The following WDSUB1 variants were observed in gnomAD, a reference collection of about 807,000 sequenced individuals.
WDSUB1 encodes the protein WD repeat, SAM and U-box domain-containing protein 1.
Under a neutral mutation model 53.9 loss-of-function variants are expected in WDSUB1, and 49 were observed. The ratio of observed to expected loss-of-function variants is 0.91; its 90% confidence interval spans 0.72 to 1.15. The LOEUF is 1.15. WDSUB1 is among the 50% of genes most tolerant of loss of function. The pLI, the probability that WDSUB1 is intolerant of heterozygous loss-of-function variation, is 0.00. For missense variants in WDSUB1, 514 were observed against 562.0 expected (o/e 0.91, Z 0.86); for synonymous variants, 194 against 200.6 (o/e 0.97, Z 0.28).
At chr2:159,259,437 G>A (rs1161101552) in intron 6 of WDSUB1, among the ~76,000 whole-genome samples, 2 of 152,234 alleles carry the variant, frequency 1.3e-5, no homozygotes, top group East Asian at 3.9e-4. Context: ...CTCTAAGAAT[G>A]GTAGGTCACT....
chr2:159,260,245 C>T (rs1450930078), intron 5 of WDSUB1, among the ~76,000 whole-genome samples: 2 of 152,146 alleles, frequency 1.3e-5, no homozygotes, highest in African/African-American at 2.4e-5. Context: ...GTGGAGGTTA[C>T]AATGAGCCAA....
At chr2:159,284,878 A>C (rs2061754289) in intron 1 of WDSUB1, among the ~76,000 whole-genome samples, 1 of 152,106 alleles carries the variant, frequency 6.6e-6, no homozygotes, top group South Asian at 2.1e-4. Flanking sequence ...CGTCTCCATA[A>C]AGCGGTTTTC....
chr2:159,236,506 G>T (rs1295469909), intron 10 of WDSUB1, among the ~76,000 whole-genome samples: 1 of 152,212 alleles, frequency 6.6e-6, no homozygotes, highest in Non-Finnish European at 1.5e-5. Flanking sequence ...GGTAGAGTGG[G>T]AGTGAGGATA....
chr2:159,266,782 TTTTTG>T (rs1294665456), intron 5 of WDSUB1, among the ~76,000 whole-genome samples: 3 of 152,022 alleles, frequency 2.0e-5, no homozygotes, highest in Admixed American at 6.5e-5. Context: ...TTTTTGTTGT[TTTTTG>T]TTTTGAGTCA....
chr2:159,271,194 A>G (rs747363155), intron 5 of WDSUB1, among the ~76,000 whole-genome samples: 1 of 152,244 alleles, frequency 6.6e-6, no homozygotes, highest in Non-Finnish European at 1.5e-5. Context: ...CAGCAAGGCC[A>G]TTCCTATGTA....
At chr2:159,278,786 T>C (rs983685571) in intron 3 of WDSUB1, among the ~76,000 whole-genome samples, 4 of 152,168 alleles carry the variant, frequency 2.6e-5, no homozygotes, top group East Asian at 1.9e-4. Flanking sequence ...CTTTTGGGAT[T>C]TGAGATCTTA....
intron 1 of WDSUB1, among the ~76,000 whole-genome samples, chr2:159,284,340 AAGG>A (rs2151163736): frequency 6.6e-6 from 1 of 152,326 alleles, no homozygotes; most frequent in South Asian, 2.1e-4. Context: ...CCTTTCTCAT[AAGG>A]AGTTCTCAAA....
intron 5 of WDSUB1, among the ~76,000 whole-genome samples, chr2:159,260,429 G>A (rs752824340): frequency 7.2e-5 from 11 of 152,044 alleles, no homozygotes; most frequent in African/African-American, 2.2e-4. Flanking sequence ...AATAAAACAC[G>A]ACTCTATAAC....
intron 5 of WDSUB1, among the ~76,000 whole-genome samples, chr2:159,266,446 C>T (rs959965516): frequency 3.9e-5 from 6 of 152,180 alleles, no homozygotes; most frequent in Non-Finnish European, 5.9e-5. Context: ...CCTCGGCCTC[C>T]CAAAGTGCTG....
chr2:159,240,616 A>AC (rs1299949061), intron 10 of WDSUB1, among the ~76,000 whole-genome samples: 1 of 152,158 alleles, frequency 6.6e-6, no homozygotes, highest in Non-Finnish European at 1.5e-5. Flanking sequence ...GGGCACCATT[A>AC]CCTATATTAA....
intron 5 of WDSUB1, among the ~76,000 whole-genome samples, chr2:159,262,680 A>G (rs1217816203): frequency 6.6e-6 from 1 of 152,186 alleles, no homozygotes; most frequent in African/African-American, 2.4e-5. Flanking sequence ...AGGAAGGTAA[A>G]TTAGGGTTAG....
chr2:159,259,871 A>G, intron 5 of WDSUB1, 28 bp from the exon 6 acceptor site: 1 of 1,485,552 alleles, frequency 6.7e-7, no homozygotes, highest in South Asian at 1.2e-5. Flanking sequence ...TATAGGTGAA[A>G]AGTTCTATAA....
chr2:159,261,884 ATATATATATATATTTTTTTTTTTTTTTTT>A (rs1268830906), intron 5 of WDSUB1, among the ~76,000 whole-genome samples: 1,512 of 19,746 alleles, frequency 0.077, 63 homozygotes, highest in Non-Finnish European at 0.093. Flanking sequence ...ATATATATAT[ATATATATATATATTTTTTTTTTTTTTTTT>A]TTTTTTTTTT....
intron 10 of WDSUB1, among the ~76,000 whole-genome samples, chr2:159,246,344 A>G (rs1365812024): frequency 6.6e-6 from 1 of 151,086 alleles, no homozygotes; most frequent in Non-Finnish European, 1.5e-5. Context: ...AGGCAGGAGA[A>G]CGGTGTGAAC....
chr2:159,249,869 C>A (rs2060906629), intron 9 of WDSUB1, among the ~76,000 whole-genome samples: 1 of 149,390 alleles, frequency 6.7e-6, no homozygotes, highest in African/African-American at 2.5e-5. Context: ...ATTTCAAGAC[C>A]AGCCTGGCCA....
chr2:159,268,761 T>TTGAAAAATAAAA (rs2061392918), intron 5 of WDSUB1, among the ~76,000 whole-genome samples: 1 of 152,174 alleles, frequency 6.6e-6, no homozygotes, highest in African/African-American at 2.4e-5. Flanking sequence ...TCCAGCCCAT[T>TTGAAAAATAAAA]GCCTAACAGA....
chr2:159,264,903 G>A (rs548989761), intron 5 of WDSUB1, among the ~76,000 whole-genome samples: 2 of 152,098 alleles, frequency 1.3e-5, no homozygotes, highest in African/African-American at 4.8e-5. Context: ...GGCCAACATG[G>A]TGAAACCCTG....
At chr2:159,261,894 ATATTTTTTTTTTTTTTTTT>A (rs1301092288) in intron 5 of WDSUB1, among the ~76,000 whole-genome samples, 6 of 13,304 alleles carry the variant, frequency 4.5e-4, no homozygotes, top group Non-Finnish European at 5.4e-4. Flanking sequence ...ATATATATAT[ATATTTTTTTTTTTTTTTTT>A]TTTTTTTTTT....
chr2:159,266,805 ACT>A (rs2061356569), intron 5 of WDSUB1, among the ~76,000 whole-genome samples: 1 of 151,390 alleles, frequency 6.6e-6, no homozygotes, highest in Non-Finnish European at 1.5e-5. Context: ...TCAGGGTTTC[ACT>A]CTGTTGCCTA....
Sources: allele counts gnomAD v4.1 joint callset (sites outside exome capture counted in the v4.1 genomes callset), GRCh38; gene constraint gnomAD v4.1.1; transcripts MANE v1.5; gene names NCBI Gene and HGNC (gene_info 2026-07-23, HGNC 2026-07-21).